Variants in MORC1 observed in about 807,000 individuals in gnomAD.
MORC1 encodes MORC family CW-type zinc finger protein 1.
MORC1 carries 59 observed loss-of-function variants against 134.9 expected under a neutral mutation model. The observed-to-expected ratio is 0.44, with a 90% CI of 0.35 to 0.54. The LOEUF is 0.54. Among genes scored for constraint, MORC1 ranks in the 20% least tolerant of loss-of-function variants. MORC1 has a pLI of 0.00. For synonymous variants in MORC1, 395 were observed against 391.7 expected (o/e 1.01, Z -0.10); for missense variants, 947 against 1,134.5 (o/e 0.83, Z 2.37).
chr3:109,046,480 C>G (rs991538036), intron 14 of MORC1, among the ~76,000 whole-genome samples: 4 of 152,092 alleles, frequency 2.6e-5, no homozygotes, highest in African/African-American at 9.7e-5. Context: ...AAAGTGTATT[C>G]CTAAGGAATT....
chr3:108,964,411 A>G (rs903167563), intron 26 of MORC1, among the ~76,000 whole-genome samples: 3 of 152,208 alleles, frequency 2.0e-5, no homozygotes. Context: ...GCATTCTAAC[A>G]TGACTGGGTT....
chr3:108,965,736 C>A (rs570964432), intron 26 of MORC1, among the ~76,000 whole-genome samples: 1 of 151,940 alleles, frequency 6.6e-6, no homozygotes, highest in Non-Finnish European at 1.5e-5. Context: ...CTGGGGAAAC[C>A]GGGTGATGAG....
chr3:109,111,031 T>C (rs1241215140), intron 2 of MORC1, among the ~76,000 whole-genome samples: 1 of 63,990 alleles, frequency 1.6e-5, no homozygotes, highest in Non-Finnish European at 3.7e-5. Flanking sequence ...CACAAAAAAC[T>C]AACAAAATGG....
chr3:109,054,534 T>C (rs1949911995), intron 14 of MORC1, among the ~76,000 whole-genome samples, 194 bp downstream of exon 14: 1 of 152,198 alleles, frequency 6.6e-6, no homozygotes, highest in Non-Finnish European at 1.5e-5. Context: ...TCTAATCTGC[T>C]GCTTTGTTTT....
chr3:109,013,074 C>A (rs1192622182), intron 17 of MORC1, among the ~76,000 whole-genome samples: 2 of 152,070 alleles, frequency 1.3e-5, no homozygotes, highest in Non-Finnish European at 2.9e-5. Context: ...AGAGAGTTTT[C>A]TTCTATTCCT....
intron 14 of MORC1, among the ~76,000 whole-genome samples, chr3:109,045,227 T>C (rs1203116366): frequency 6.6e-6 from 1 of 152,184 alleles, no homozygotes; most frequent in Non-Finnish European, 1.5e-5. Flanking sequence ...GATTATATTC[T>C]AAAGATCTCC....
chr3:108,979,024 T>C (rs1347593249), intron 24 of MORC1, among the ~76,000 whole-genome samples: 1 of 152,170 alleles, frequency 6.6e-6, no homozygotes, highest in Non-Finnish European at 1.5e-5. Flanking sequence ...TCATGAACTT[T>C]TTCCTCTCCT....
At chr3:109,100,262 TG>T (rs1249532650) in intron 5 of MORC1, among the ~76,000 whole-genome samples, 154 bp downstream of exon 5, 1 of 152,116 alleles carries the variant, frequency 6.6e-6, no homozygotes, top group African/African-American at 2.4e-5. Flanking sequence ...AAGTCAGTTT[TG>T]TATATGGAGA....
At chr3:109,076,074 AATCT>A (rs1490245854) in intron 8 of MORC1, among the ~76,000 whole-genome samples, 1 of 152,198 alleles carries the variant, frequency 6.6e-6, no homozygotes, top group East Asian at 1.9e-4. Context: ...AAATTTTTGC[AATCT>A]ATCTATCTGA....
Position 109,089,128 on chromosome 3 carries a change from A to T in MORC1, c.689+4308T>A, listed in dbSNP as rs563616376. ...TGTTGGCTATTGGGCTTAATACCTGAGTGATGAAATAATCTGTAAAACAAA... is the reference window on the plus strand; with the variant it reads ...TGTTGGCTATTGGGCTTAATACCTGTGTGATGAAATAATCTGTAAAACAAA... On this transcript the variant is annotated intron_variant, in intron 8 of 27. Transcript: ENST00000232603. Among the ~76,000 whole-genome samples, 3 of 152,188 alleles carry T rather than the reference A, an allele frequency of 2.0e-5. No homozygotes were observed. In the South Asian group the frequency reaches 6.2e-4, roughly 32 times the overall value.
At chr3:109,062,127 T>C in intron 10 of MORC1, 69 bp from the exon 11 acceptor site, 1 of 1,369,986 alleles carries the variant, frequency 7.3e-7, no homozygotes, top group Non-Finnish European at 1.0e-6. Context: ...GAGTATTTTC[T>C]ATACATGTAG....
At chr3:109,057,781 T>C (rs1372937058) in intron 12 of MORC1, among the ~76,000 whole-genome samples, 1 of 152,210 alleles carries the variant, frequency 6.6e-6, no homozygotes, top group Non-Finnish European at 1.5e-5. Flanking sequence ...ACGGGTCGTA[T>C]AGGTACATTG....
At chr3:109,082,171 G>C (rs1366588921) in intron 8 of MORC1, among the ~76,000 whole-genome samples, 3 of 150,214 alleles carry the variant, frequency 2.0e-5, no homozygotes, top group Non-Finnish European at 3.0e-5. Context: ...GTGCTCTGAT[G>C]ATTTACTAGA....
chr3:109,008,601 A>G (rs1303866129), intron 17 of MORC1, among the ~76,000 whole-genome samples: 1 of 151,972 alleles, frequency 6.6e-6, no homozygotes, highest in Non-Finnish European at 1.5e-5. Context: ...GATGTCATAT[A>G]CATGTTTGAC....
At chr3:109,054,365 A>G (rs572273544) in intron 14 of MORC1, among the ~76,000 whole-genome samples, 45 of 152,308 alleles carry the variant, frequency 3.0e-4, no homozygotes, top group African/African-American at 1.1e-3. Context: ...CAACATTATA[A>G]GAGCTACTAA....
At position 109,095,011 on chromosome 3, in the gene MORC1, G is replaced by T; in HGVS notation, c.481C>A (p.Pro161Thr). 2 of 1,590,628 alleles carry T rather than the reference G, an allele frequency of 1.3e-6. No homozygotes were observed. The highest frequency in any genetic ancestry group is 8.5e-7 in the Non-Finnish European group (1 of 1,172,942). The change falls in exon 7 of 28, where the codon CCC becomes ACC. Residue 161 changes from proline to threonine, a missense_variant. Physicochemically the swap from Pro to Thr is conservative, Grantham distance 38. Around this residue, in one of 3 missense-constraint regions of MORC1, gnomAD observed 214 missense variants for 281.3 expected, o/e 0.76. Transcript: ENST00000232603. ...GATAATTCCATTGCAAATTTCTGGGGATCATCTGTGACAGATTCTCTGGTT... is the reference window on the plus strand; with the variant it reads ...GATAATTCCATTGCAAATTTCTGGGTATCATCTGTGACAGATTCTCTGGTT... Reference protein sequence around the residue: ...IRTRESVTDDPQKFAMELSII... With the variant: ...IRTRESVTDDTQKFAMELSII...
chr3:108,959,151 G>A (rs745404127), intron 27 of MORC1, 31 bp from the exon 28 acceptor site: 27 of 1,550,918 alleles, frequency 1.7e-5, no homozygotes, highest in Non-Finnish European at 2.2e-5. Flanking sequence ...TCACACCAGG[G>A]AAAGAAGCTG....
At chr3:109,014,236 A>G (rs754965046) in intron 17 of MORC1, among the ~76,000 whole-genome samples, 1 of 152,232 alleles carries the variant, frequency 6.6e-6, no homozygotes, top group Admixed American at 6.5e-5. Context: ...CATTGTACAT[A>G]TCACAATGTC....
intron 27 of MORC1, among the ~76,000 whole-genome samples, chr3:108,960,125 C>T (rs947228401): frequency 9.9e-5 from 15 of 152,162 alleles, no homozygotes; most frequent in Admixed American, 8.5e-4. Context: ...AGGAAGCTAG[C>T]AATGTCAGAC....
Sources: gnomAD v4.1 joint callset for allele counts (sites outside exome capture counted in the v4.1 genomes callset) on GRCh38, gnomAD v4.1.1 for gene constraint, gnomAD v4.1.1 regional missense constraint, MANE v1.5 for transcripts, NCBI Gene and HGNC (gene_info 2026-07-23, HGNC 2026-07-21) for gene names.